The following SPRR2B variants were observed in gnomAD, a reference collection of about 807,000 sequenced individuals.
The protein encoded by SPRR2B is small proline-rich protein 2B.
A neutral mutation model predicts 1.0 loss-of-function variants in SPRR2B; 1 was observed. The observed-to-expected ratio is 1.01, with a 90% CI of 0.36 to 4.77. The LOEUF (loss-of-function observed/expected upper bound fraction) is 4.77. SPRR2B is among the 30% of genes most tolerant of loss of function. SPRR2B has a pLI of 0.16. For synonymous variants in SPRR2B, 27 were observed against 33.4 expected (o/e 0.81, Z 0.66); for missense variants, 53 against 88.7 (o/e 0.60, Z 1.62).
the SPRR2B span, among the ~76,000 whole-genome samples, chr1:153,087,642 T>TA: frequency 2.0e-5 from 3 of 150,674 alleles, no homozygotes; most frequent in South Asian, 2.1e-4. Context: ...CTAGAAAATA[T>TA]AGAAAAAACA....
chr1:153,080,111 C>T, the SPRR2B span, among the ~76,000 whole-genome samples: 6 of 125,420 alleles, frequency 4.8e-5, no homozygotes, highest in East Asian at 1.2e-3. Context: ...ATTTATTCAC[C>T]AAGAAAACCT....
the SPRR2B span, among the ~76,000 whole-genome samples, chr1:153,082,130 A>C: frequency 6.6e-6 from 1 of 152,062 alleles, no homozygotes; most frequent in African/African-American, 2.4e-5. Context: ...ACTATACATA[A>C]TCCCCGATGA....
At chr1:153,071,719 T>G (rs561871835), upstream of SPRR2B, among the ~76,000 whole-genome samples, 1 of 152,210 alleles carries the variant, frequency 6.6e-6, no homozygotes, top group South Asian at 2.1e-4. Context: ...AAAATGCAAA[T>G]TTATCCATAA....
chr1:153,072,854 A>C (rs442209), upstream of SPRR2B, among the ~76,000 whole-genome samples: 21,891 of 152,134 alleles, frequency 0.14, 2,617 homozygotes, highest in East Asian at 0.49. Flanking sequence ...CTCTTCCTGC[A>C]ATCAATGGGG....
At chr1:153,078,259 A>C in the SPRR2B span, among the ~76,000 whole-genome samples, 1 of 152,238 alleles carries the variant, frequency 6.6e-6, no homozygotes, top group Non-Finnish European at 1.5e-5. Flanking sequence ...GCCAAAAGAG[A>C]CCAGAGGTGG....
the SPRR2B span, among the ~76,000 whole-genome samples, chr1:153,085,735 A>G: frequency 6.6e-6 from 1 of 152,222 alleles, no homozygotes; most frequent in Non-Finnish European, 1.5e-5. Context: ...TAATCATCAG[A>G]TTCTTCAAGG....
chr1:153,087,458 C>T, the SPRR2B span, among the ~76,000 whole-genome samples: 5 of 151,876 alleles, frequency 3.3e-5, no homozygotes, highest in Admixed American at 6.6e-5. Flanking sequence ...TCAACAAATC[C>T]AGGAGGTGGT....
At position 153,070,387 on chromosome 1, in the gene SPRR2B, A is replaced by G. The variant is rs969093493; in HGVS notation, c.*234T>C. ...AGCTCTTTCTGCTGAAGCTCTGGGA[A>G]CTGACAAAGCCAAGGTTCCTTTGCT... On this transcript the variant is annotated 3_prime_UTR_variant, in exon 2 of 2. Coordinates refer to ENST00000368755, the MANE Select transcript of SPRR2B (RefSeq NM_001388198.1). 1.2e-5 allele frequency: 9 copies of G among 734,856 alleles called. No homozygotes were observed. The highest frequency in any genetic ancestry group is 1.9e-5 in the Non-Finnish European group (9 of 469,260). The allele number at this position is 734,856 out of a possible 1,614,324, so 45.5% of individuals were successfully genotyped here.
chr1:153,080,205 G>T, the SPRR2B span, among the ~76,000 whole-genome samples: 4 of 152,132 alleles, frequency 2.6e-5, no homozygotes, highest in Admixed American at 6.5e-5. Flanking sequence ...GAAATTAAAA[G>T]AAGTTCATAG....
chr1:153,080,471 T>C, the SPRR2B span, among the ~76,000 whole-genome samples: 1 of 152,108 alleles, frequency 6.6e-6, no homozygotes, highest in Non-Finnish European at 1.5e-5. Context: ...AATCATGCAA[T>C]GAACTTTTCC....
At chr1:153,083,607 G>A in the SPRR2B span, among the ~76,000 whole-genome samples, 3 of 152,172 alleles carry the variant, frequency 2.0e-5, no homozygotes, top group African/African-American at 7.2e-5. Flanking sequence ...TGAAAAGAGA[G>A]AAAGCTGGGA....
upstream of SPRR2B, among the ~76,000 whole-genome samples, chr1:153,072,033 C>A (rs974445570): frequency 1.1e-4 from 16 of 152,084 alleles, no homozygotes; most frequent in African/African-American, 3.9e-4. Context: ...GAGTTCTGGC[C>A]ACAGATTTTT....
intron 1 of SPRR2B, among the ~76,000 whole-genome samples, 182 bp downstream of exon 1, chr1:153,071,387 A>T (rs1455971244): frequency 6.6e-6 from 1 of 151,650 alleles, no homozygotes; most frequent in Admixed American, 6.5e-5. Context: ...ATATGAACAT[A>T]TAACTGTATA....
chr1:153,072,309 C>CG (rs1347176192), upstream of SPRR2B, among the ~76,000 whole-genome samples: 1 of 152,178 alleles, frequency 6.6e-6, no homozygotes, highest in African/African-American at 2.4e-5. Flanking sequence ...CCAGTCTCCC[C>CG]AGTATGTTTG....
chr1:153,073,137 C>T (rs1024057470), upstream of SPRR2B, among the ~76,000 whole-genome samples: 1 of 152,184 alleles, frequency 6.6e-6, no homozygotes, highest in East Asian at 1.9e-4. Flanking sequence ...GCTCCAGTCT[C>T]TAAGGAAGGG....
the SPRR2B span, among the ~76,000 whole-genome samples, chr1:153,081,481 G>T: frequency 6.6e-6 from 1 of 152,150 alleles, no homozygotes; most frequent in South Asian, 2.1e-4. Context: ...CAAAATTATG[G>T]CATTTCCTGA....
Position 153,070,674 on chromosome 1 carries a change from G to A in SPRR2B, c.166C>T (p.Pro56Ser). ...TGGCAGGGTGGGGAAGGTGTCACAGGAGGATATTTCTGCTGGCACTGCTGA... is the reference window on the plus strand; with the variant it reads ...TGGCAGGGTGGGGAAGGTGTCACAGAAGGATATTTCTGCTGGCACTGCTGA... ...PPQQCQQKYP[P>S]VTPSPPCQPK... is the part of the protein sequence containing the mutation. Residue 56 changes from proline (P) to serine (S), a missense_variant, in exon 2 of 2, where the codon CCT (proline) becomes TCT (serine). Transcript: ENST00000368755. 1.2e-6 allele frequency: 2 copies of A among 1,612,114 alleles called. No homozygotes were observed. Among genetic ancestry groups the A allele is most frequent in the South Asian group, 1.1e-5 (1 of 90,956 alleles).
upstream of SPRR2B, among the ~76,000 whole-genome samples, chr1:153,074,303 A>G (rs1466145710): frequency 6.6e-6 from 1 of 152,226 alleles, no homozygotes; most frequent in Non-Finnish European, 1.5e-5. Context: ...ACATTTCAAT[A>G]CTATACATTC....
chr1:153,077,378 G>T, the SPRR2B span, among the ~76,000 whole-genome samples: 4 of 152,172 alleles, frequency 2.6e-5, no homozygotes, highest in East Asian at 7.7e-4. Flanking sequence ...ATAAAAGGAT[G>T]CTGGAGAGAA....
Sources: gnomAD v4.1 joint callset for allele counts (sites outside exome capture counted in the v4.1 genomes callset) on GRCh38, gnomAD v4.1.1 for gene constraint, MANE v1.5 for transcripts, NCBI Gene and HGNC (gene_info 2026-07-23, HGNC 2026-07-21) for gene names.